ZNF365: variants seen among roughly 807,000 people sequenced by gnomAD.
The protein encoded by ZNF365 is protein ZNF365.
A neutral mutation model predicts 35.0 loss-of-function variants in ZNF365; 22 were observed. That is an observed-to-expected ratio of 0.63 (90% CI 0.45 to 0.90). ZNF365 has a LOEUF of 0.90. Ranked by LOEUF, ZNF365 falls within the 40% of genes least tolerant of loss-of-function variation. ZNF365 has a pLI of 0.00. For synonymous variants in ZNF365, 188 were observed against 196.2 expected (o/e 0.96, Z 0.35); for missense variants, 448 against 500.3 (o/e 0.90, Z 1.00).
intron 3 of ZNF365, among the ~76,000 whole-genome samples, chr10:62,438,429 A>G (rs539471232): frequency 6.6e-6 from 1 of 152,072 alleles, no homozygotes; most frequent in East Asian, 1.9e-4. Flanking sequence ...CTCAAGTGAT[A>G]CACCCGCGTT....
At chr10:62,472,693 G>A (rs540152949) in intron 4 of ZNF365, among the ~76,000 whole-genome samples, 2 of 152,158 alleles carry the variant, frequency 1.3e-5, no homozygotes, top group South Asian at 2.1e-4. Flanking sequence ...AAGCCATTTG[G>A]TGTATGGTGC....
chr10:62,460,215 TAA>T lies in ZNF365; in HGVS notation c.981+419_981+420del, dbSNP rs534764889. ...AGTCAGACCTGATCCGAACTGACAA[TAA>T]GTCAAAAAATAATTATTGAGTACTT... On this transcript the variant is annotated intron_variant, in intron 4 of 4. Transcript: ENST00000395255. Among the ~76,000 whole-genome samples the T allele has an allele frequency of 7.6e-4, 116 of 152,240 alleles. 1 individual carries two copies. The highest frequency in any genetic ancestry group is 2.7e-3 in the African/African-American group (113 of 41,550).
At chr10:62,452,097 A>G (rs755159772) in intron 3 of ZNF365, among the ~76,000 whole-genome samples, 2 of 152,220 alleles carry the variant, frequency 1.3e-5, no homozygotes, top group Non-Finnish European at 2.9e-5. Flanking sequence ...TTTAACTTAG[A>G]TCTTTCTATG....
chr10:62,386,131 A>G (rs1428122490), intron 2 of ZNF365, among the ~76,000 whole-genome samples: 1 of 152,196 alleles, frequency 6.6e-6, no homozygotes, highest in Middle Eastern at 3.2e-3. Flanking sequence ...AACCATAAGC[A>G]AGAACCATGA....
chr10:62,461,695 C>G (rs768477845), intron 4 of ZNF365, among the ~76,000 whole-genome samples: 1 of 152,110 alleles, frequency 6.6e-6, no homozygotes. Flanking sequence ...TGAAGAATGA[C>G]AATCGCGGAC....
intron 3 of ZNF365, among the ~76,000 whole-genome samples, chr10:62,422,684 T>C (rs559086348): frequency 6.6e-6 from 1 of 152,244 alleles, no homozygotes; most frequent in East Asian, 1.9e-4. Flanking sequence ...TTGGAAATAG[T>C]TCTTAATTCT....
intron 4 of ZNF365, among the ~76,000 whole-genome samples, chr10:62,470,129 C>T (rs536328147): frequency 6.6e-6 from 1 of 152,174 alleles, no homozygotes; most frequent in East Asian, 1.9e-4. Flanking sequence ...TGAATACCGA[C>T]CTAGATAGAA....
At position 62,471,131 on chromosome 10, in the gene ZNF365, C is replaced by T. The variant is rs1280321730; in HGVS notation, c.982-8745C>T. ...CCTGTAAGCCCAGCACTTTGGGAGG[C>T]CAAGGCGGGCGGATCACGAGGTCAG... is the stretch of plus-strand genomic sequence containing the variant. On this transcript the variant is annotated intron_variant, in intron 4 of 4. Transcript: ENST00000395255. 3.3e-5 allele frequency among the ~76,000 whole-genome samples: 5 copies of T among 152,130 alleles called. No individual in the cohort carries two copies. In the East Asian group the frequency reaches 9.7e-4, roughly 29 times the overall value.
intron 3 of ZNF365, among the ~76,000 whole-genome samples, chr10:62,414,328 T>C (rs986309198): frequency 3.9e-5 from 6 of 152,110 alleles, no homozygotes; most frequent in Non-Finnish European, 8.8e-5. Context: ...GCCTCCCATG[T>C]AGCTAGGACC....
chr10:62,471,932 T>C (rs1478890519), intron 4 of ZNF365, among the ~76,000 whole-genome samples: 1 of 152,246 alleles, frequency 6.6e-6, no homozygotes, highest in African/African-American at 2.4e-5. Context: ...CAGGGACTCC[T>C]TATGTTTCCA....
Position 62,402,180 on chromosome 10 carries a change from G to A in ZNF365, c.*2391G>A, listed in dbSNP as rs1022586880. On this transcript the variant is annotated 3_prime_UTR_variant, in exon 5 of 5. Coordinates refer to ENST00000395254, the MANE Select transcript of ZNF365 (RefSeq NM_014951.3). ...TTGAAGAAATCACCAAAGTTTCTGGGAAACTATGTTCAAGGTTGAAATGGA... is the reference window on the plus strand; with the variant it reads ...TTGAAGAAATCACCAAAGTTTCTGGAAAACTATGTTCAAGGTTGAAATGGA... 1.3e-5 allele frequency: 13 copies of A among 985,844 alleles called. No homozygotes were observed. Among genetic ancestry groups the A allele is most frequent in the Non-Finnish European group, 1.6e-5 (13 of 829,936 alleles). The allele number at this position is 985,844 out of a possible 1,614,324, so 61.1% of individuals were successfully genotyped here.
intron 3 of ZNF365, among the ~76,000 whole-genome samples, chr10:62,445,322 C>T (rs990472326): frequency 6.6e-6 from 1 of 151,096 alleles, no homozygotes; most frequent in Non-Finnish European, 1.5e-5. Flanking sequence ...AATGGTATTT[C>T]TAGTTCTAGA....
At chr10:62,396,512 A>G (rs139525672) in intron 3 of ZNF365, among the ~76,000 whole-genome samples, 42 of 152,298 alleles carry the variant, frequency 2.8e-4, no homozygotes, top group Admixed American at 5.2e-4. Flanking sequence ...CACAATTTAT[A>G]GTACCTTTAT....
At chr10:62,375,214 T>C (rs1233016742) in intron 1 of ZNF365, among the ~76,000 whole-genome samples, 5 of 152,200 alleles carry the variant, frequency 3.3e-5, no homozygotes, top group Non-Finnish European at 5.9e-5. Flanking sequence ...AGGGTGAAGA[T>C]AATGCATTCC....
chr10:62,470,431 G>A (rs1311011608), intron 4 of ZNF365, among the ~76,000 whole-genome samples: 1 of 152,208 alleles, frequency 6.6e-6, no homozygotes, highest in African/African-American at 2.4e-5. Context: ...ATCCAGAAAT[G>A]ATCCCAGGCA....
chr10:62,447,652 T>C (rs1444441013), intron 3 of ZNF365, among the ~76,000 whole-genome samples: 1 of 152,234 alleles, frequency 6.6e-6, no homozygotes, highest in East Asian at 1.9e-4. Flanking sequence ...TCACATGCGG[T>C]GGCTGCCTAC....
intron 3 of ZNF365, 97 bp downstream of exon 3, chr10:62,388,673 C>T (rs975613271): frequency 7.1e-7 from 1 of 1,403,992 alleles, no homozygotes; most frequent in Non-Finnish European, 9.6e-7. Flanking sequence ...CTTGCAGGGA[C>T]TCTCTAGACA....
At chr10:62,443,239 T>A (rs1840530673) in intron 3 of ZNF365, among the ~76,000 whole-genome samples, 1 of 152,236 alleles carries the variant, frequency 6.6e-6, no homozygotes, top group Non-Finnish European at 1.5e-5. Context: ...GTGAAAGGGA[T>A]TTTCCTGTAA....
chr10:62,397,642 A>G (rs1839753482), intron 3 of ZNF365, among the ~76,000 whole-genome samples: 1 of 152,232 alleles, frequency 6.6e-6, no homozygotes, highest in Non-Finnish European at 1.5e-5. Flanking sequence ...AAGTGCATGC[A>G]GATATTTTAT....
Sources: allele counts gnomAD v4.1 joint callset (sites outside exome capture counted in the v4.1 genomes callset), GRCh38; gene constraint gnomAD v4.1.1; transcripts MANE v1.5; gene names NCBI Gene and HGNC (gene_info 2026-07-23, HGNC 2026-07-21).